Variants in TIMP2 observed in about 807,000 individuals in gnomAD.
TIMP2 encodes the protein TIMP metallopeptidase inhibitor 2, also known as metalloproteinase inhibitor 2.
Under a neutral mutation model 24.3 loss-of-function variants are expected in TIMP2, and 5 were observed. That is an observed-to-expected ratio of 0.21 (90% CI 0.11 to 0.43). The LOEUF is 0.43. Among genes scored for constraint, TIMP2 ranks in the 20% least tolerant of loss-of-function variants. The pLI is 1.00. For missense variants in TIMP2, 221 were observed against 297.5 expected (o/e 0.74, Z 1.89); for synonymous variants, 130 against 123.2 (o/e 1.06, Z -0.37).
chr17:78,873,831 G>A lies in TIMP2; in HGVS notation c.219C>T (p.Ile73=), dbSNP rs541162688. ...GNPIKRIQYE[I]KQIKMFKGPE... ...CAGCCACTATTACCTTTATCTGCTT[G>A]ATCTCATACTGGATCCTCTTGATAG... is the stretch of plus-strand genomic sequence containing the variant. The change falls in exon 2 of 5, where the codon ATC becomes ATT. Residue 73 remains isoleucine, a synonymous_variant. Transcript: ENST00000262768. 1.2e-6 allele frequency: 2 copies of A among 1,612,532 alleles called. No individual in the cohort carries two copies. Among genetic ancestry groups the A allele is most frequent in the African/African-American group, 1.3e-5 (1 of 74,940 alleles).
chr17:78,896,931 G>A lies in TIMP2; in HGVS notation c.131-23012C>T, dbSNP rs2070010783. The A allele has an allele frequency of 1.3e-5, 13 of 985,244 alleles. No homozygotes were observed. In the Admixed American group the frequency reaches 3.7e-4, roughly 28 times the overall value. The allele number at this position is 985,244 out of a possible 1,614,324, so 61.0% of individuals were successfully genotyped here. On this transcript the variant is annotated intron_variant, in intron 1 of 4. Coordinates refer to ENST00000262768, the MANE Select transcript of TIMP2 (RefSeq NM_003255.5). The surrounding 1 kb of genome is among the most constrained non-coding windows in gnomAD (Gnocchi z 4.4). ...TGTGCTTGGCCACCAGATTCCCAGC[G>A]ATTCTCACCAAAGTCAGGCAACCTC...
In TIMP2 at chr17:78,900,483, T is replaced by G. The variant is rs183741868; in HGVS notation, c.130+24476A>C. ...TCACTTGAACCCAGGAGGCGGAGGT[T>G]GCAGTGAGCCAAGATCGCACCACTG... On this transcript the variant is annotated intron_variant, in intron 1 of 4. Transcript: ENST00000262768. Among the ~76,000 whole-genome samples, 74 of 151,176 alleles carry G rather than the reference T, an allele frequency of 4.9e-4. No individual in the cohort carries two copies. In the East Asian group the frequency reaches 0.014, roughly 29 times the overall value.
chr17:78,875,609 C>G (rs545505906), intron 1 of TIMP2, among the ~76,000 whole-genome samples: 141 of 152,238 alleles, frequency 9.3e-4, no homozygotes, highest in Non-Finnish European at 1.8e-3. Context: ...TTTGCCCTCC[C>G]AAACTCAGCT....
At chr17:78,864,261 T>C (rs924108925) in intron 3 of TIMP2, among the ~76,000 whole-genome samples, 8 of 151,084 alleles carry the variant, frequency 5.3e-5, no homozygotes, top group African/African-American at 1.5e-4. Flanking sequence ...CTTCTTTCCT[T>C]CCTTCCTTCC....
intron 1 of TIMP2, chr17:78,922,185 A>G (rs1486264192): frequency 6.6e-6 from 1 of 152,234 alleles, no homozygotes; most frequent in Non-Finnish European, 1.5e-5. Context: ...CAGAATGGGG[A>G]ACCATTGCTG....
chr17:78,872,708 T>C (rs1028495347), intron 2 of TIMP2, among the ~76,000 whole-genome samples: 5 of 152,210 alleles, frequency 3.3e-5, no homozygotes, highest in Admixed American at 2.0e-4. Flanking sequence ...CAGATCCTCT[T>C]TCCTGCTTCG....
intron 2 of TIMP2, among the ~76,000 whole-genome samples, chr17:78,873,208 C>T (rs1024718544): frequency 6.6e-6 from 1 of 152,150 alleles, no homozygotes; most frequent in East Asian, 1.9e-4. Context: ...GAATTTTCGT[C>T]TCTCTTACAG....
intron 1 of TIMP2, among the ~76,000 whole-genome samples, chr17:78,878,568 C>T (rs572165110): frequency 2.0e-5 from 3 of 152,360 alleles, no homozygotes; most frequent in African/African-American, 7.2e-5. Context: ...AGCTTCCCAG[C>T]GTGCTAGCTT....
chr17:78,923,780 T>G (rs2070327993), intron 1 of TIMP2, among the ~76,000 whole-genome samples: 1 of 152,010 alleles, frequency 6.6e-6, no homozygotes, highest in South Asian at 2.1e-4. Context: ...CTTCCCCAGC[T>G]GGGCACGCAG....
intron 1 of TIMP2, chr17:78,903,327 T>C (rs1350295958): frequency 1.3e-5 from 2 of 152,582 alleles, no homozygotes; most frequent in East Asian, 3.9e-4. Flanking sequence ...TCATAAAGAT[T>C]TGGCTCAAGC....
At chr17:78,908,136 A>G (rs1331296521) in intron 1 of TIMP2, among the ~76,000 whole-genome samples, 5 of 152,306 alleles carry the variant, frequency 3.3e-5, no homozygotes, top group East Asian at 1.9e-4. Flanking sequence ...CACTGTCTCA[A>G]AAACAAAAAA....
intron 1 of TIMP2, among the ~76,000 whole-genome samples, chr17:78,875,910 G>A (rs1447194709): frequency 1.3e-5 from 2 of 152,160 alleles, no homozygotes; most frequent in Admixed American, 1.3e-4. Flanking sequence ...CCACTGCCTC[G>A]CCTGGGCACA....
At position 78,916,777 on chromosome 17, in the gene TIMP2, C is replaced by T. The variant is rs539149479; in HGVS notation, c.130+8182G>A. Among the ~76,000 whole-genome samples, 4 of 152,326 alleles carry T rather than the reference C, an allele frequency of 2.6e-5. No homozygotes were observed. In the East Asian group the frequency reaches 7.7e-4, roughly 29 times the overall value. On this transcript the variant is annotated intron_variant, in intron 1 of 4. Transcript: ENST00000262768. ...GCCGGGCCTCCAGGCTTTGCTGCTC[C>T]ACCTGGGCTCAAGCCTGGCCATACT...
intron 1 of TIMP2, among the ~76,000 whole-genome samples, chr17:78,882,674 G>A (rs2145761614): frequency 6.6e-6 from 1 of 152,368 alleles, no homozygotes; most frequent in East Asian, 1.9e-4. Context: ...CACCAGGGAT[G>A]GCAGACGGTG....
Position 78,855,620 on chromosome 17 carries a change from C to T in TIMP2, c.*47G>A. On this transcript the variant is annotated 3_prime_UTR_variant, in exon 5 of 5. Transcript: ENST00000262768. This position sits in a 1 kb window ranked among gnomAD's most constrained non-coding sequence, Gnocchi z 6.0. ...TGTCAGAGCTGGACCAGTCGAAACC[C>T]TTGGAGGCTTTTTTTGCAGTTGGCC... 1 of 1,604,838 alleles carries T rather than the reference C, an allele frequency of 6.2e-7. No individual in the cohort carries two copies. Among genetic ancestry groups the T allele is most frequent in the South Asian group, 1.1e-5 (1 of 90,710 alleles).
At chr17:78,892,078 T>C (rs1175084593) in intron 1 of TIMP2, 8 of 1,551,832 alleles carry the variant, frequency 5.2e-6, no homozygotes, top group Non-Finnish European at 7.0e-6. Context: ...TGGCCCGTCC[T>C]CCTCCCCAGC....
At chr17:78,912,743 A>G (rs2070220249) in intron 1 of TIMP2, among the ~76,000 whole-genome samples, 1 of 152,214 alleles carries the variant, frequency 6.6e-6, no homozygotes, top group African/African-American at 2.4e-5. Context: ...GCCTGCGATG[A>G]CTTAGGCTGG....
At chr17:78,887,434 G>A (rs191103328) in intron 1 of TIMP2, among the ~76,000 whole-genome samples, 1 of 152,146 alleles carries the variant, frequency 6.6e-6, no homozygotes, top group Admixed American at 6.5e-5. Flanking sequence ...CCCCAGGCTG[G>A]AGTGCAGTGG....
chr17:78,923,914 C>A (rs1276094655), intron 1 of TIMP2, among the ~76,000 whole-genome samples: 1 of 152,172 alleles, frequency 6.6e-6, no homozygotes, highest in Admixed American at 6.5e-5. Flanking sequence ...CCCCGCCTTG[C>A]TCCATCTGCC....
Sources: gnomAD v4.1 joint callset for allele counts (sites outside exome capture counted in the v4.1 genomes callset) on GRCh38, gnomAD v4.1.1 for gene constraint, Gnocchi (gnomAD v3.1) non-coding constraint, MANE v1.5 for transcripts, NCBI Gene and HGNC (gene_info 2026-07-23, HGNC 2026-07-21) for gene names.